Variants in SKAP2 observed in about 807,000 individuals in gnomAD.
SKAP2 encodes src kinase-associated phosphoprotein 2.
SKAP2 carries 28 observed loss-of-function variants against 54.9 expected under a neutral mutation model. That is an observed-to-expected ratio of 0.51 (90% CI 0.38 to 0.70). The LOEUF (loss-of-function observed/expected upper bound fraction) is 0.70, where lower values mean the gene tolerates loss of function less well. Ranked by LOEUF, SKAP2 falls within the 30% of genes least tolerant of loss-of-function variation. SKAP2 has a pLI of 0.00. For missense variants in SKAP2, 356 were observed against 424.1 expected (o/e 0.84, Z 1.41); for synonymous variants, 137 against 134.3 (o/e 1.02, Z -0.14).
chr7:26,740,898 G>A (rs1782427980), intron 4 of SKAP2, among the ~76,000 whole-genome samples: 1 of 151,928 alleles, frequency 6.6e-6, no homozygotes, highest in Admixed American at 6.6e-5. Flanking sequence ...TGACGCAGGA[G>A]AATCACTCGA....
rs548330641 is a variant in SKAP2 at position 26,794,034 on chromosome 7, A to G, written c.307+49996T>C. ...TAAAGCTGCTTCATCCAATCCTTCTATTTGGAAATGGTCATAACAAATTAA... is the reference window on the plus strand; with the variant it reads ...TAAAGCTGCTTCATCCAATCCTTCTGTTTGGAAATGGTCATAACAAATTAA... On this transcript the variant is annotated intron_variant, in intron 4 of 12. Transcript: ENST00000345317. Among the ~76,000 whole-genome samples the G allele has an allele frequency of 3.3e-5, 5 of 152,360 alleles. No individual in the cohort carries two copies. The South Asian group carries it at 1.0e-3, about 32-fold the overall frequency.
intron 4 of SKAP2, among the ~76,000 whole-genome samples, chr7:26,777,411 C>T (rs1253767473): frequency 6.6e-6 from 1 of 151,972 alleles, no homozygotes; most frequent in Non-Finnish European, 1.5e-5. Flanking sequence ...ATAAAATTTG[C>T]TATTAAAAAA....
At chr7:26,657,035 G>C in the SKAP2 span, among the ~76,000 whole-genome samples, 1 of 152,156 alleles carries the variant, frequency 6.6e-6, no homozygotes, top group South Asian at 2.1e-4. Flanking sequence ...AACAAGAATA[G>C]CTACAGGCTT....
intron 9 of SKAP2, among the ~76,000 whole-genome samples, chr7:26,720,368 C>T (rs944667517): frequency 2.6e-5 from 4 of 152,076 alleles, no homozygotes; most frequent in African/African-American, 9.7e-5. Flanking sequence ...AAGCTTCATA[C>T]TATATTATGA....
chr7:26,746,649 CA>C (rs139090078), intron 4 of SKAP2: 1 of 138,222 alleles, frequency 7.2e-6, no homozygotes, highest in African/African-American at 2.8e-5. Context: ...TTAAACATGT[CA>C]CTGAGCCTCT....
intron 4 of SKAP2, among the ~76,000 whole-genome samples, chr7:26,792,573 T>C (rs1029683202): frequency 1.3e-5 from 2 of 152,126 alleles, no homozygotes; most frequent in Non-Finnish European, 2.9e-5. Context: ...CAGATATAAA[T>C]GGAAAACTAT....
chr7:26,731,966 A>C (rs1787833038), intron 6 of SKAP2, among the ~76,000 whole-genome samples: 1 of 152,190 alleles, frequency 6.6e-6, no homozygotes, highest in African/African-American at 2.4e-5. Context: ...ATACCATTTT[A>C]AATACAGCAT....
chr7:26,784,214 CA>C (rs1450567628), intron 4 of SKAP2, among the ~76,000 whole-genome samples: 1 of 152,044 alleles, frequency 6.6e-6, no homozygotes, highest in Non-Finnish European at 1.5e-5. Flanking sequence ...AGCTGGTATA[CA>C]AACCTTTACC....
At chr7:26,657,853 T>G in the SKAP2 span, among the ~76,000 whole-genome samples, 1 of 151,892 alleles carries the variant, frequency 6.6e-6, no homozygotes, top group Non-Finnish European at 1.5e-5. Context: ...TTTCTCCTCC[T>G]CAGACTGTGC....
At position 26,716,512 on chromosome 7, in the gene SKAP2, C is replaced by G. The variant is rs1787442711; in HGVS notation, c.796+8916G>C. Among the ~76,000 whole-genome samples, 3 of 152,096 alleles carry G rather than the reference C, an allele frequency of 2.0e-5. No homozygotes were observed. The South Asian group carries it at 6.2e-4, about 32-fold the overall frequency. Reference sequence around the variant, plus strand: ...ATGTGGTTTTGTTTCAGGTGTATCTCCAAGAAGAATAGTGCTAGACTTTTA... The same window carrying G: ...ATGTGGTTTTGTTTCAGGTGTATCTGCAAGAAGAATAGTGCTAGACTTTTA... On this transcript the variant is annotated intron_variant, in intron 9 of 12. Coordinates refer to ENST00000345317, the MANE Select transcript of SKAP2 (RefSeq NM_003930.5).
intron 10 of SKAP2, among the ~76,000 whole-genome samples, chr7:26,686,149 A>C (rs940652382): frequency 4.6e-5 from 7 of 152,194 alleles, no homozygotes; most frequent in African/African-American, 1.7e-4. Context: ...CTTTAATATA[A>C]GAAATATTTT....
intron 4 of SKAP2, among the ~76,000 whole-genome samples, chr7:26,786,078 C>T (rs1783538311): frequency 6.6e-6 from 1 of 152,108 alleles, no homozygotes; most frequent in Admixed American, 6.5e-5. Flanking sequence ...GGAAAAGGGC[C>T]CAATTAGGGC....
intron 4 of SKAP2, among the ~76,000 whole-genome samples, chr7:26,840,562 T>C (rs1048475466): frequency 6.6e-6 from 1 of 152,196 alleles, no homozygotes; most frequent in Admixed American, 6.5e-5. Flanking sequence ...TTCTTTAAGG[T>C]TGTAAATCTC....
intron 4 of SKAP2, among the ~76,000 whole-genome samples, chr7:26,744,513 G>C (rs886065173): frequency 7.6e-4 from 115 of 152,234 alleles, no homozygotes; most frequent in African/African-American, 2.7e-3. Flanking sequence ...CAAGGGAATG[G>C]GGGTGAGAGA....
At chr7:26,792,196 G>C (rs752590790) in intron 4 of SKAP2, among the ~76,000 whole-genome samples, 21 of 152,182 alleles carry the variant, frequency 1.4e-4, no homozygotes, top group Non-Finnish European at 2.9e-4. Context: ...TGTGGAGGCA[G>C]GGTACTGATG....
At chr7:26,789,034 C>T (rs3801846) in intron 4 of SKAP2, among the ~76,000 whole-genome samples, 35,270 of 152,016 alleles carry the variant, frequency 0.23, 4,184 homozygotes, top group African/African-American at 0.24. Flanking sequence ...ACAGTATGAA[C>T]CATTAGTTAA....
At chr7:26,791,498 C>T (rs1424706009) in intron 4 of SKAP2, among the ~76,000 whole-genome samples, 1 of 152,058 alleles carries the variant, frequency 6.6e-6, no homozygotes, top group Non-Finnish European at 1.5e-5. Context: ...TTTTTAAAAG[C>T]TGGTTATGCT....
intron 6 of SKAP2, among the ~76,000 whole-genome samples, chr7:26,728,864 G>A (rs1272646151): frequency 2.6e-5 from 4 of 152,076 alleles, no homozygotes; most frequent in Non-Finnish European, 4.4e-5. Context: ...CCCTTGCTGC[G>A]CAAGGGTTCA....
At chr7:26,778,312 G>C (rs1322461803) in intron 4 of SKAP2, among the ~76,000 whole-genome samples, 3 of 152,074 alleles carry the variant, frequency 2.0e-5, no homozygotes, top group Non-Finnish European at 2.9e-5. Flanking sequence ...CTGCAGAAGG[G>C]AACAATAAAA....
Sources: allele counts gnomAD v4.1 joint callset (sites outside exome capture counted in the v4.1 genomes callset), GRCh38; gene constraint gnomAD v4.1.1; transcripts MANE v1.5; gene names NCBI Gene and HGNC (gene_info 2026-07-23, HGNC 2026-07-21).